Variants in TRAPPC11 observed in about 807,000 individuals in gnomAD.
TRAPPC11 encodes the protein trafficking protein particle complex subunit 11.
In TRAPPC11, 104 loss-of-function variants were observed where a neutral mutation model predicts 151.2. That is an observed-to-expected ratio of 0.69 (90% confidence interval 0.59 to 0.81). The LOEUF is 0.81. TRAPPC11 is among the 30% of genes least tolerant of loss of function. TRAPPC11 has a pLI of 0.00. For synonymous variants in TRAPPC11, 456 were observed against 472.3 expected, an observed-to-expected ratio of 0.97 and a Z score of 0.45; for missense variants, 1,230 against 1,349.6, an observed-to-expected ratio of 0.91 and a Z score of 1.39.
intron 18 of TRAPPC11, among the ~76,000 whole-genome samples, chr4:183,687,119 T>C (rs1736016841): frequency 6.6e-6 from 1 of 152,148 alleles, no homozygotes. Context: ...AGATGGAGGT[T>C]GCAGTGAGCT....
In TRAPPC11 at chr4:183,694,625, C is replaced by A. The variant is rs149626892; in HGVS notation, c.2530C>A (p.Arg844Ser). Reference protein sequence around the residue: ...GEQLEKMLYVRCGTVGSRMFL... With the variant: ...GEQLEKMLYVSCGTVGSRMFL... The stretch of plus-strand genomic sequence containing the variant: ...ACAGCTGGAAAAAATGTTGTATGTT[C>A]GCTGTGGAACAGTGGGTTCCAGAAT... The change falls in exon 23 of 30, where the codon CGC becomes AGC. Residue 844 changes from arginine (R) to serine (S), a missense_variant. Arg to Ser is a moderately radical substitution (Grantham distance 110). Transcript: ENST00000334690. The A allele has an allele frequency of 9.9e-5, 160 of 1,612,688 alleles. 1 individual carries two copies. The highest frequency in any genetic ancestry group is 9.3e-4 in the African/African-American group (70 of 74,980).
chr4:183,684,220 C>G lies in TRAPPC11; in HGVS notation c.1363C>G (p.Leu455Val). ...KYKCPRMKSH[L>V]MVQMGEEYYY... Reference sequence around the variant, plus strand: ...TAAGTGCCCGCGAATGAAAAGTCACCTAAGTATGTATCCACAAACGTCACC... The same window carrying G: ...TAAGTGCCCGCGAATGAAAAGTCACGTAAGTATGTATCCACAAACGTCACC... Residue 455 changes from leucine (L) to valine (V), a missense_variant, in exon 13 of 30, where the codon CTA (leucine) becomes GTA (valine). Leu to Val is a conservative substitution (Grantham distance 32). Transcript: ENST00000334690. 6.2e-7 allele frequency: 1 copy of G among 1,613,856 alleles called. No homozygotes were observed. Among genetic ancestry groups the G allele is most frequent in the Non-Finnish European group, 8.5e-7 (1 of 1,179,788 alleles).
At chr4:183,703,578 G>C (rs561371191) in intron 26 of TRAPPC11, among the ~76,000 whole-genome samples, 1 of 152,308 alleles carries the variant, frequency 6.6e-6, no homozygotes, top group African/African-American at 2.4e-5. Flanking sequence ...GTGTGTATAA[G>C]AATGTTCATG....
chr4:183,685,461 G>A, intron 17 of TRAPPC11, 58 bp downstream of exon 17: 4 of 1,546,144 alleles, frequency 2.6e-6, no homozygotes, highest in Non-Finnish European at 3.6e-6. Flanking sequence ...TCTACAAAAT[G>A]AATAGGTGCA....
At chr4:183,704,830 A>G in intron 26 of TRAPPC11, 149 bp from the exon 27 acceptor site, 2 of 304,090 alleles carry the variant, frequency 6.6e-6, no homozygotes, top group Non-Finnish European at 1.2e-5. Flanking sequence ...TAATAATAAA[A>G]TAATAATAAT....
rs1452380343 is a variant in TRAPPC11 at position 183,684,291 on chromosome 4, T to C, written c.1367-14T>C. On this transcript the variant is annotated splice_polypyrimidine_tract_variant and intron_variant, in intron 13 of 29. Transcript: ENST00000334690. ...ACTTTAAGTTACATACATAAATCTT[T>C]TTTTCCTTTATAGTGGTTCAGATGG... is the stretch of plus-strand genomic sequence containing the variant. 1.2e-6 allele frequency: 2 copies of C among 1,613,644 alleles called. No homozygotes were observed. Among genetic ancestry groups the C allele is most frequent in the Non-Finnish European group, 1.7e-6 (2 of 1,179,632 alleles).
At chr4:183,673,955 C>T (rs1157753749) in intron 5 of TRAPPC11, among the ~76,000 whole-genome samples, 3 of 152,144 alleles carry the variant, frequency 2.0e-5, no homozygotes, top group African/African-American at 7.2e-5. Flanking sequence ...CCTTATTTGC[C>T]AGTTCTCATT....
At chr4:183,659,907 T>C (rs892539623) in intron 1 of TRAPPC11, among the ~76,000 whole-genome samples, 1 of 147,978 alleles carries the variant, frequency 6.8e-6, no homozygotes, top group Non-Finnish European at 1.5e-5. Context: ...AAAAAAAAAG[T>C]AACCACATTA....
At chr4:183,693,342 C>G (rs1391214158) in intron 20 of TRAPPC11, among the ~76,000 whole-genome samples, 195 bp downstream of exon 20, 1 of 152,074 alleles carries the variant, frequency 6.6e-6, no homozygotes, top group Non-Finnish European at 1.5e-5. Flanking sequence ...GTAGTTGGGA[C>G]TACAGCCAGG....
In TRAPPC11 at chr4:183,707,465, A is replaced by G. The variant is rs941451339; in HGVS notation, c.3189+525A>G. ...CAGTCAAATCAGGTTGGAAAAGTTC[A>G]TCAAGTTTTTAAATGAGCAAACAAA... On this transcript the variant is annotated intron_variant, in intron 28 of 29. Transcript: ENST00000334690. Among the ~76,000 whole-genome samples, 4 of 152,194 alleles carry G rather than the reference A, an allele frequency of 2.6e-5. No individual in the cohort carries two copies. In the South Asian group the frequency reaches 8.3e-4, roughly 31 times the overall value.
At position 183,712,699 on chromosome 4, in the gene TRAPPC11, G is replaced by A; in HGVS notation, c.*55G>A. Reference sequence around the variant, plus strand: ...CAGAGATGTTGGGCAGAGCTATGCAGGTGTTTCATTGTGAACTCTAGCTTT... The same window carrying A: ...CAGAGATGTTGGGCAGAGCTATGCAAGTGTTTCATTGTGAACTCTAGCTTT... On this transcript the variant is annotated 3_prime_UTR_variant, in exon 30 of 30. Transcript: ENST00000334690. 6.4e-7 allele frequency: 1 copy of A among 1,569,566 alleles called. No homozygotes were observed.
At chr4:183,685,498 G>A in intron 17 of TRAPPC11, 95 bp downstream of exon 17, 3 of 1,418,848 alleles carry the variant, frequency 2.1e-6, no homozygotes, top group Non-Finnish European at 2.9e-6. Flanking sequence ...AGTCAAGAAA[G>A]AGTTTTCAAA....
intron 9 of TRAPPC11, 117 bp from the exon 10 acceptor site, chr4:183,680,003 A>G: frequency 2.6e-6 from 2 of 774,538 alleles, no homozygotes; most frequent in South Asian, 1.9e-5. Context: ...TTAACTGTTC[A>G]TCAATAGCAC....
At chr4:183,706,978 A>C (rs1737104644) in intron 28 of TRAPPC11, 38 bp downstream of exon 28, 4 of 1,603,322 alleles carry the variant, frequency 2.5e-6, no homozygotes, top group Non-Finnish European at 3.4e-6. Context: ...GTTGACACAA[A>C]AGTGTGCCAG....
intron 2 of TRAPPC11, among the ~76,000 whole-genome samples, 197 bp from the exon 3 acceptor site, chr4:183,666,060 A>G (rs1734865619): frequency 6.6e-6 from 1 of 152,058 alleles, no homozygotes; most frequent in African/African-American, 2.4e-5. Flanking sequence ...TTAAATGGGA[A>G]GTATAGCTTC....
intron 27 of TRAPPC11, among the ~76,000 whole-genome samples, chr4:183,705,727 A>G (rs1379278283): frequency 1.3e-5 from 2 of 152,172 alleles, no homozygotes; most frequent in Admixed American, 6.5e-5. Flanking sequence ...CTCTGTCCCT[A>G]TAAATTGGCA....
chr4:183,679,669 G>A (rs757316284), intron 9 of TRAPPC11, among the ~76,000 whole-genome samples, 183 bp downstream of exon 9: 8 of 152,122 alleles, frequency 5.3e-5, no homozygotes, highest in Non-Finnish European at 1.0e-4. Context: ...TCCTTAATGG[G>A]AATTATTTAA....
chr4:183,685,020 T>C, intron 15 of TRAPPC11, 64 bp from the exon 16 acceptor site: 1 of 1,501,176 alleles, frequency 6.7e-7, no homozygotes, highest in South Asian at 1.2e-5. Context: ...TCTAAAACAA[T>C]AAATGGGGGT....
chr4:183,690,101 G>A (rs1736185596), intron 18 of TRAPPC11, among the ~76,000 whole-genome samples: 1 of 152,114 alleles, frequency 6.6e-6, no homozygotes, highest in Non-Finnish European at 1.5e-5. Context: ...TACTTGGGAG[G>A]CTGAGGCATG....
Sources: allele counts gnomAD v4.1 joint callset (sites outside exome capture counted in the v4.1 genomes callset), GRCh38; gene constraint gnomAD v4.1.1; transcripts MANE v1.5; gene names NCBI Gene and HGNC (gene_info 2026-07-23, HGNC 2026-07-21).